Variants in CDKAL1 observed in about 807,000 individuals in gnomAD.
CDKAL1 encodes CDKAL1 threonylcarbamoyladenosine tRNA methylthiotransferase, also known as threonylcarbamoyladenosine tRNA methylthiotransferase.
CDKAL1 carries 32 observed loss-of-function variants against 68.2 expected under a neutral mutation model. That is an observed-to-expected ratio of 0.47 (90% confidence interval 0.35 to 0.63). The LOEUF (loss-of-function observed/expected upper bound fraction) is 0.63, where lower values mean the gene tolerates loss of function less well. Among genes scored for constraint, CDKAL1 ranks in the 30% least tolerant of loss-of-function variants. The pLI is 0.00. For synonymous variants in CDKAL1, 234 were observed against 244.3 expected (o/e 0.96, Z 0.39); for missense variants, 606 against 696.7 (o/e 0.87, Z 1.47).
intron 12 of CDKAL1, among the ~76,000 whole-genome samples, chr6:21,103,224 T>A (rs1773669322): frequency 6.6e-6 from 1 of 152,194 alleles, no homozygotes; most frequent in South Asian, 2.1e-4. Context: ...AGTTCGTGGA[T>A]GCTGCTAAAA....
At chr6:20,735,477 C>T (rs1041900810) in intron 5 of CDKAL1, among the ~76,000 whole-genome samples, 1 of 152,040 alleles carries the variant, frequency 6.6e-6, no homozygotes, top group African/African-American at 2.4e-5. Context: ...ATCATGAGAA[C>T]AGCATGAGGG....
intron 9 of CDKAL1, among the ~76,000 whole-genome samples, chr6:20,856,088 A>G (rs922077626): frequency 6.6e-6 from 1 of 152,202 alleles, no homozygotes. Flanking sequence ...TATTTAATGA[A>G]GATTCTTGCC....
intron 9 of CDKAL1, among the ~76,000 whole-genome samples, chr6:20,918,279 A>G (rs1052271329): frequency 9.2e-5 from 14 of 152,188 alleles, no homozygotes; most frequent in African/African-American, 3.1e-4. Context: ...ATAAATTTCT[A>G]TTATTTCTTA....
Position 20,684,740 on chromosome 6 carries a change from C to G in CDKAL1, c.371+35363C>G, listed in dbSNP as rs376421128. Among the ~76,000 whole-genome samples the G allele has an allele frequency of 4.6e-5, 7 of 152,228 alleles. 1 individual carries two copies. Among genetic ancestry groups the G allele is most frequent in the African/African-American group, 1.7e-4 (7 of 41,540 alleles). On this transcript the variant is annotated intron_variant, in intron 5 of 15. Transcript: ENST00000274695. The stretch of plus-strand genomic sequence containing the variant: ...AGAGGTTCGTAGTGGTATCTCATTG[C>G]TTTAATTTGCATTTTCCTGATGACA...
intron 10 of CDKAL1, among the ~76,000 whole-genome samples, chr6:20,992,360 T>TCCAG (rs1766875143): frequency 6.6e-6 from 1 of 151,914 alleles, no homozygotes; most frequent in African/African-American, 2.4e-5. Flanking sequence ...AGCCACTTTA[T>TCCAG]CCAGCCCACT....
intron 1 of CDKAL1, chr6:20,535,074 TC>T (rs1390491658): frequency 6.6e-6 from 1 of 152,228 alleles, no homozygotes; most frequent in Non-Finnish European, 1.5e-5. Context: ...ATTGACTTAA[TC>T]CTGTTTTGTA....
intron 5 of CDKAL1, among the ~76,000 whole-genome samples, chr6:20,716,642 AAGAAC>A (rs1488444510): frequency 6.6e-6 from 1 of 151,518 alleles, no homozygotes; most frequent in Admixed American, 6.6e-5. Flanking sequence ...TGAGATGAGA[AAGAAC>A]AGAAGAGGAG....
At position 21,206,126 on chromosome 6, in the gene CDKAL1, G is replaced by A. The variant is rs192643731; in HGVS notation, c.1548+4852G>A. Among the ~76,000 whole-genome samples the A allele has an allele frequency of 5.4e-3, 814 of 152,030 alleles. 7 individuals carry two copies. Among genetic ancestry groups the A allele is most frequent in the African/African-American group, 0.019 (768 of 41,456 alleles). On this transcript the variant is annotated intron_variant, in intron 15 of 15. Transcript: ENST00000274695. Reference sequence around the variant, plus strand: ...GATTACAGGCGTGAGCCACCACACCGGACCAGTCAAGCCTGTATTTTTAAG... The same window carrying A: ...GATTACAGGCGTGAGCCACCACACCAGACCAGTCAAGCCTGTATTTTTAAG...
intron 12 of CDKAL1, among the ~76,000 whole-genome samples, chr6:21,066,036 CCT>C (rs1771421448): frequency 6.6e-6 from 1 of 151,708 alleles, no homozygotes; most frequent in South Asian, 2.1e-4. Flanking sequence ...AAAATTATGC[CCT>C]GTCATTAATT....
intron 12 of CDKAL1, among the ~76,000 whole-genome samples, chr6:21,100,699 A>ATT (rs5874801): frequency 0.032 from 4,917 of 151,686 alleles, 371 homozygotes; most frequent in East Asian, 0.32. Context: ...ATTTTGGGGT[A>ATT]TTTTTTTTAT....
chr6:20,961,567 A>G (rs1765058124), intron 10 of CDKAL1, among the ~76,000 whole-genome samples: 1 of 152,130 alleles, frequency 6.6e-6, no homozygotes, highest in African/African-American at 2.4e-5. Flanking sequence ...GGAGATCGAG[A>G]CCATCCTGGC....
At chr6:21,021,114 A>G (rs1227353926) in intron 11 of CDKAL1, among the ~76,000 whole-genome samples, 2 of 152,204 alleles carry the variant, frequency 1.3e-5, no homozygotes, top group Non-Finnish European at 2.9e-5. Flanking sequence ...AGTAATTGAG[A>G]GCACAGGCAT....
chr6:20,642,967 G>C (rs1029844145), intron 4 of CDKAL1, among the ~76,000 whole-genome samples: 4 of 152,056 alleles, frequency 2.6e-5, no homozygotes, highest in Non-Finnish European at 5.9e-5. Context: ...ATAAGATATT[G>C]AAATCTAGAT....
At chr6:20,825,668 G>C (rs1334853130) in intron 8 of CDKAL1, among the ~76,000 whole-genome samples, 6 of 152,074 alleles carry the variant, frequency 3.9e-5, no homozygotes, top group Admixed American at 1.3e-4. Flanking sequence ...TGGCATCGAA[G>C]CATACCCTGA....
At chr6:20,916,672 G>A (rs1317250653) in intron 9 of CDKAL1, among the ~76,000 whole-genome samples, 1 of 152,084 alleles carries the variant, frequency 6.6e-6, no homozygotes, top group African/African-American at 2.4e-5. Flanking sequence ...GAGTGTTCAT[G>A]GGATTCTTCA....
chr6:20,646,683 A>G (rs866794261), intron 4 of CDKAL1, among the ~76,000 whole-genome samples: 6 of 152,182 alleles, frequency 3.9e-5, no homozygotes, highest in Middle Eastern at 3.2e-3. Context: ...AGAATGTGCC[A>G]GGATATAAAG....
At chr6:20,883,118 A>G (rs759390190) in intron 9 of CDKAL1, among the ~76,000 whole-genome samples, 19 of 152,146 alleles carry the variant, frequency 1.2e-4, no homozygotes, top group Non-Finnish European at 2.4e-4. Context: ...AAGTACTGCT[A>G]TGAGTTCTGA....
At chr6:21,145,137 T>TG (rs1246671099) in intron 13 of CDKAL1, among the ~76,000 whole-genome samples, 1 of 152,162 alleles carries the variant, frequency 6.6e-6, no homozygotes, top group Non-Finnish European at 1.5e-5. Flanking sequence ...TGCACTTGAT[T>TG]CACAGCCTTT....
intron 13 of CDKAL1, among the ~76,000 whole-genome samples, chr6:21,136,677 T>G (rs1309578255): frequency 6.6e-6 from 1 of 152,176 alleles, no homozygotes; most frequent in Admixed American, 6.5e-5. Context: ...TTTTTTTTTC[T>G]AAGATGGATA....
Sources: gnomAD v4.1 joint callset for allele counts (sites outside exome capture counted in the v4.1 genomes callset) on GRCh38, gnomAD v4.1.1 for gene constraint, MANE v1.5 for transcripts, NCBI Gene and HGNC (gene_info 2026-07-23, HGNC 2026-07-21) for gene names.